EXOC4: variants seen among roughly 807,000 people sequenced by gnomAD.
The protein encoded by EXOC4 is exocyst complex component 4, also known as SEC8-like 1.
In EXOC4, 71 loss-of-function variants were observed where a neutral mutation model predicts 107.2. The ratio of observed to expected loss-of-function variants is 0.66; its 90% CI spans 0.55 to 0.81. EXOC4 has a LOEUF of 0.81. Ranked by LOEUF, EXOC4 falls within the 30% of genes least tolerant of loss-of-function variation. The pLI, the probability that EXOC4 is intolerant of heterozygous loss-of-function variation, is 0.00. For missense variants in EXOC4, 1,108 were observed against 1,189.6 expected (o/e 0.93, Z 1.01); for synonymous variants, 456 against 441.2 (o/e 1.03, Z -0.42).
intron 10 of EXOC4, among the ~76,000 whole-genome samples, chr7:133,762,320 C>T (rs1029654154): frequency 2.6e-5 from 4 of 152,042 alleles, no homozygotes; most frequent in Non-Finnish European, 2.9e-5. Context: ...AAGTAAAAAT[C>T]AAATGACATC....
At chr7:133,590,912 A>G (rs1801525907) in intron 9 of EXOC4, among the ~76,000 whole-genome samples, 1 of 152,172 alleles carries the variant, frequency 6.6e-6, no homozygotes, top group South Asian at 2.1e-4. Flanking sequence ...GGCACAGTAT[A>G]ACATTCCCTC....
intron 10 of EXOC4, among the ~76,000 whole-genome samples, chr7:133,812,832 C>G (rs1483700251): frequency 2.6e-5 from 4 of 152,082 alleles, no homozygotes; most frequent in Admixed American, 2.6e-4. Context: ...TATTAGATCT[C>G]TTGATCTCTT....
chr7:133,914,299 G>T (rs1292760019), intron 12 of EXOC4, among the ~76,000 whole-genome samples: 1 of 152,184 alleles, frequency 6.6e-6, no homozygotes, highest in Non-Finnish European at 1.5e-5. Context: ...GGAATTAAAA[G>T]CCAGAAACAG....
chr7:134,040,353 A>G (rs1046752643), intron 17 of EXOC4, among the ~76,000 whole-genome samples: 2 of 152,138 alleles, frequency 1.3e-5, no homozygotes, highest in Non-Finnish European at 2.9e-5. Context: ...TTATGTTCCC[A>G]CTGATTTGAC....
At position 134,050,855 on chromosome 7, in the gene EXOC4, T is replaced by G. The variant is rs150634435; in HGVS notation, c.2688-13436T>G. On this transcript the variant is annotated intron_variant, in intron 17 of 17. Coordinates refer to ENST00000253861, the MANE Select transcript of EXOC4 (RefSeq NM_021807.4). ...TTTATTATTATTAAATACAGAATAG[T>G]GATATGATCCAACTAAGAACTGGGG... Among the ~76,000 whole-genome samples the G allele has an allele frequency of 5.3e-5, 8 of 152,154 alleles. No homozygotes were observed. In the East Asian group the frequency reaches 1.5e-3, roughly 29 times the overall value.
chr7:133,664,441 C>A (rs1190437188), intron 10 of EXOC4, among the ~76,000 whole-genome samples: 1 of 152,186 alleles, frequency 6.6e-6, no homozygotes, highest in Non-Finnish European at 1.5e-5. Flanking sequence ...TCTGCGAGTA[C>A]GATTTTTCTA....
At chr7:133,425,993 C>T (rs1315542076) in intron 7 of EXOC4, among the ~76,000 whole-genome samples, 4 of 152,176 alleles carry the variant, frequency 2.6e-5, no homozygotes, top group African/African-American at 9.7e-5. Context: ...TAAAACCAAA[C>T]TGCACCTCGA....
At chr7:133,365,896 G>A (rs1296442122) in intron 6 of EXOC4, among the ~76,000 whole-genome samples, 1 of 152,130 alleles carries the variant, frequency 6.6e-6, no homozygotes, top group African/African-American at 2.4e-5. Context: ...TACGCTCTGA[G>A]TTCACTACTT....
intron 14 of EXOC4, among the ~76,000 whole-genome samples, chr7:133,967,777 G>T (rs570482016): frequency 6.6e-6 from 1 of 152,282 alleles, no homozygotes; most frequent in Admixed American, 6.5e-5. Flanking sequence ...AATAAGTGCA[G>T]TGTGGTACTG....
chr7:133,278,639 A>G lies in EXOC4; in HGVS notation c.276+3468A>G, dbSNP rs893624791. Reference sequence around the variant, plus strand: ...TGATGAGGCTGAAGCAAAATGAGGCATGGGGAGAGTGGCAGGAGAGAGATG... The same window carrying G: ...TGATGAGGCTGAAGCAAAATGAGGCGTGGGGAGAGTGGCAGGAGAGAGATG... On this transcript the variant is annotated intron_variant, in intron 2 of 17. Coordinates refer to ENST00000253861, the MANE Select transcript of EXOC4 (RefSeq NM_021807.4). Among the ~76,000 whole-genome samples the G allele has an allele frequency of 3.9e-5, 6 of 152,110 alleles. No individual in the cohort carries two copies. In the East Asian group the frequency reaches 5.8e-4, roughly 15 times the overall value.
At chr7:133,892,876 G>T (rs1016762505) in intron 11 of EXOC4, among the ~76,000 whole-genome samples, 2 of 143,800 alleles carry the variant, frequency 1.4e-5, no homozygotes, top group Non-Finnish European at 3.0e-5. Context: ...TAGGTGTGGT[G>T]TGGTAATGAA....
chr7:134,025,079 T>G (rs1355438424), intron 17 of EXOC4, among the ~76,000 whole-genome samples: 1 of 152,250 alleles, frequency 6.6e-6, no homozygotes, highest in Non-Finnish European at 1.5e-5. Flanking sequence ...CTGGCTCATC[T>G]TGGAGTTGCC....
intron 11 of EXOC4, among the ~76,000 whole-genome samples, chr7:133,876,610 A>C (rs1005497746): frequency 1.3e-5 from 2 of 151,640 alleles, no homozygotes; most frequent in African/African-American, 4.9e-5. Context: ...AAGCCACCCT[A>C]GACTACTGCC....
intron 7 of EXOC4, among the ~76,000 whole-genome samples, chr7:133,398,724 C>T (rs1354537328): frequency 1.3e-5 from 2 of 152,244 alleles, no homozygotes; most frequent in South Asian, 4.1e-4. Flanking sequence ...ACATTCTCAA[C>T]TGAATTTCTA....
intron 10 of EXOC4, among the ~76,000 whole-genome samples, chr7:133,654,787 A>G (rs1409816262): frequency 6.6e-6 from 1 of 152,166 alleles, no homozygotes; most frequent in African/African-American, 2.4e-5. Flanking sequence ...ATAACCTACT[A>G]CACGCCTAGG....
chr7:133,519,028 A>T lies in EXOC4; in HGVS notation c.1417+38890A>T, dbSNP rs1015329695. 7.2e-5 allele frequency among the ~76,000 whole-genome samples: 11 copies of T among 152,318 alleles called. No individual in the cohort carries two copies. In the South Asian group the frequency reaches 2.3e-3, roughly 32 times the overall value. ...TTTCCTCAATTAAAAAAGTATATTC[A>T]CTGCAACAGTGAAAAATTGGCAACT... On this transcript the variant is annotated intron_variant, in intron 9 of 17. Coordinates refer to ENST00000253861, the MANE Select transcript of EXOC4 (RefSeq NM_021807.4).
chr7:133,574,540 G>A (rs929299635), intron 9 of EXOC4, among the ~76,000 whole-genome samples: 2 of 152,164 alleles, frequency 1.3e-5, no homozygotes, highest in African/African-American at 4.8e-5. Flanking sequence ...TCAGGTCAGC[G>A]TACTTTGTGT....
At chr7:133,952,210 A>T (rs763781351) in intron 14 of EXOC4, among the ~76,000 whole-genome samples, 8 of 152,146 alleles carry the variant, frequency 5.3e-5, no homozygotes, top group Admixed American at 2.0e-4. Context: ...TTCAGTAAAA[A>T]CTATAACAAA....
intron 12 of EXOC4, among the ~76,000 whole-genome samples, chr7:133,900,220 G>A (rs1385060465): frequency 6.6e-6 from 1 of 152,160 alleles, no homozygotes; most frequent in African/African-American, 2.4e-5. Context: ...TATTCTTGGT[G>A]AAGAATAGAA....
Sources: gnomAD v4.1 joint callset for allele counts (sites outside exome capture counted in the v4.1 genomes callset) on GRCh38, gnomAD v4.1.1 for gene constraint, MANE v1.5 for transcripts, NCBI Gene and HGNC (gene_info 2026-07-23, HGNC 2026-07-21) for gene names.